Variants in KAZN observed in about 807,000 individuals in gnomAD.
KAZN encodes kazrin.
A neutral mutation model predicts 87.4 loss-of-function variants in KAZN; 40 were observed. The ratio of observed to expected loss-of-function variants is 0.46; its 90% CI spans 0.36 to 0.60. The LOEUF (loss-of-function observed/expected upper bound fraction) is 0.60, where lower values mean the gene tolerates loss of function less well. Among genes scored for constraint, KAZN ranks in the 20% least tolerant of loss-of-function variants. The pLI is 0.00. For synonymous variants in KAZN, 466 were observed against 458.3 expected (o/e 1.02, Z -0.22); for missense variants, 898 against 1,073.9 (o/e 0.84, Z 2.29).
At chr1:14,480,740 T>C (rs982936085) in intron 2 of KAZN, among the ~76,000 whole-genome samples, 2 of 145,594 alleles carry the variant, frequency 1.4e-5, no homozygotes, top group African/African-American at 5.0e-5. Flanking sequence ...TTACATATAC[T>C]ATATATGTAT....
chr1:14,676,743 A>G (rs538916423), intron 1 of KAZN, among the ~76,000 whole-genome samples: 17 of 152,204 alleles, frequency 1.1e-4, no homozygotes, highest in Admixed American at 9.2e-4. Context: ...AATGTCCAGA[A>G]CAGGCAAATC....
At chr1:14,500,392 T>C (rs1055045041) in intron 2 of KAZN, among the ~76,000 whole-genome samples, 1 of 152,168 alleles carries the variant, frequency 6.6e-6, no homozygotes, top group African/African-American at 2.4e-5. Context: ...TATTTCTCTT[T>C]TCAGCCTAGA....
rs576001513 is a variant in KAZN at position 14,408,607 on chromosome 1, C to T, written c.250-190376C>T. ...CTGTGTCCTCATACAACAAAGAGAA[C>T]GAGTCCTCTGGCTAACCTTCTTATA... On this transcript the variant is annotated intron_variant, in intron 2 of 16. Transcript: ENST00000636203. Among the ~76,000 whole-genome samples, 424 of 152,298 alleles carry T rather than the reference C, an allele frequency of 2.8e-3. 1 individual carries two copies. Among genetic ancestry groups the T allele is most frequent in the African/African-American group, 9.8e-3 (407 of 41,570 alleles).
intron 2 of KAZN, among the ~76,000 whole-genome samples, chr1:14,250,146 A>G (rs1330801500): frequency 1.3e-5 from 2 of 152,140 alleles, no homozygotes; most frequent in Non-Finnish European, 2.9e-5. Context: ...TAGTTCCTTT[A>G]TACACATGTT....
At chr1:14,503,986 T>C (rs1375975905) in intron 2 of KAZN, among the ~76,000 whole-genome samples, 1 of 152,032 alleles carries the variant, frequency 6.6e-6, no homozygotes, top group Admixed American at 6.5e-5. Flanking sequence ...ACAAAACATT[T>C]AAGGAAGCCC....
At position 15,021,031 on chromosome 1, in the gene KAZN, G is replaced by A. The variant is rs933437578; in HGVS notation, c.419-13718G>A. On this transcript the variant is annotated intron_variant, in intron 2 of 14. Transcript: ENST00000376030. This position sits in a 1 kb window ranked among gnomAD's most constrained non-coding sequence, Gnocchi z 4.2. Reference sequence around the variant, plus strand: ...TGCTGTGTCTCTGTTACGCAGCAGGGGTGAGACCAGTCCATATCACTAGGC... The same window carrying A: ...TGCTGTGTCTCTGTTACGCAGCAGGAGTGAGACCAGTCCATATCACTAGGC... 9.9e-5 allele frequency among the ~76,000 whole-genome samples: 15 copies of A among 152,092 alleles called. No individual in the cohort carries two copies. The highest frequency in any genetic ancestry group is 3.4e-4 in the African/African-American group (14 of 41,402).
At chr1:14,262,372 C>T (rs541920699) in intron 2 of KAZN, among the ~76,000 whole-genome samples, 1 of 152,146 alleles carries the variant, frequency 6.6e-6, no homozygotes, top group Non-Finnish European at 1.5e-5. Context: ...CTGTAGATAA[C>T]CTATGTGGAA....
intron 1 of KAZN, among the ~76,000 whole-genome samples, chr1:14,131,375 T>G (rs1644988906): frequency 1.3e-5 from 2 of 152,202 alleles, no homozygotes; most frequent in South Asian, 4.2e-4. Context: ...AGAGAGGTGT[T>G]GAATCAATTT....
At chr1:14,855,980 C>G (rs1180018814) in intron 1 of KAZN, among the ~76,000 whole-genome samples, 2 of 152,138 alleles carry the variant, frequency 1.3e-5, no homozygotes, top group Non-Finnish European at 2.9e-5. Context: ...CAATAAGCCA[C>G]CAAAATGATG....
chr1:14,255,537 A>G (rs1413867911), intron 2 of KAZN, among the ~76,000 whole-genome samples: 1 of 152,230 alleles, frequency 6.6e-6, no homozygotes, highest in East Asian at 1.9e-4. Flanking sequence ...GGGTTTATGC[A>G]TATTGAATGG....
At chr1:14,724,878 C>T (rs531535259) in intron 1 of KAZN, among the ~76,000 whole-genome samples, 1 of 152,350 alleles carries the variant, frequency 6.6e-6, no homozygotes, top group East Asian at 1.9e-4. Context: ...ATTTTCACTT[C>T]CCCTGTCAAG....
At chr1:14,397,627 C>T (rs574319033) in intron 2 of KAZN, among the ~76,000 whole-genome samples, 27 of 151,890 alleles carry the variant, frequency 1.8e-4, no homozygotes, top group Non-Finnish European at 2.8e-4. Context: ...GAGGCCGAGG[C>T]GGGCGGATCA....
chr1:13,934,484 C>T (rs927715324), intron 1 of KAZN, among the ~76,000 whole-genome samples: 18 of 152,140 alleles, frequency 1.2e-4, no homozygotes, highest in African/African-American at 4.1e-4. Flanking sequence ...CAAATGAACA[C>T]GGGCAAAAGA....
At chr1:15,068,842 C>T (rs1023587463) in intron 8 of KAZN, among the ~76,000 whole-genome samples, 1 of 152,076 alleles carries the variant, frequency 6.6e-6, no homozygotes, top group African/African-American at 2.4e-5. Flanking sequence ...GGAGGGCTGG[C>T]TTTTAAGTCC....
rs2148594648 is a variant in KAZN at position 14,599,213 on chromosome 1, T to C, written c.216T>C (p.Leu72=). The C allele has an allele frequency of 1.4e-6, 2 of 1,398,630 alleles. No individual in the cohort carries two copies. The highest frequency in any genetic ancestry group is 1.8e-5 in the South Asian group (1 of 55,084). 86.6% of individuals were successfully genotyped at this position (1,398,630 alleles called of 1,614,324 possible). A position where few individuals can be genotyped will look rare whatever the true frequency, so the allele number is the denominator to read the frequency against. ...SAATNMENPQ[L]GAQVLLREEV... is the part of the protein sequence containing the mutation. ...CGACGAACATGGAGAACCCCCAGCT[T>C]GGAGCGCAAGGTAGGATCGCCCCGG... The change falls in exon 1 of 15, where the codon CTT becomes CTC. Residue 72 remains leucine (L), a synonymous_variant. Transcript: ENST00000376030. This position sits in a 1 kb window ranked among gnomAD's most constrained non-coding sequence, Gnocchi z 4.4.
chr1:15,094,881 C>T lies in KAZN; in HGVS notation c.1495C>T (p.Arg499Cys). 2 of 1,550,576 alleles carry T rather than the reference C, an allele frequency of 1.3e-6. No homozygotes were observed. The highest frequency in any genetic ancestry group is 1.7e-6 in the Non-Finnish European group (2 of 1,146,786). ...TGGGGTGTGCAGCTCCCTGCACCGG[C>T]GCAAGCTGCGCCTGGCCATCGAGGA... ...GLGVCSSLHRRKLRLAIEDYR... is the reference protein window; with the variant it reads ...GLGVCSSLHRCKLRLAIEDYR... Residue 499 changes from arginine (R) to cysteine (C), a missense_variant, in exon 10 of 15, where the codon CGC (arginine) becomes TGC (cysteine). By Grantham distance (180) the Arg-to-Cys change is radical. This residue lies in a region of KAZN where 521 missense variants were observed against 689.4 expected (regional missense o/e 0.76). Transcript: ENST00000376030. The surrounding 1 kb of genome is among the most constrained non-coding windows in gnomAD (Gnocchi z 4.5).
intron 1 of KAZN, among the ~76,000 whole-genome samples, chr1:13,984,357 C>A (rs1036808263): frequency 6.6e-6 from 1 of 152,178 alleles, no homozygotes; most frequent in Non-Finnish European, 1.5e-5. Context: ...AGGAAACGGG[C>A]AATGGGCTGT....
At chr1:14,868,628 G>A (rs1325866324) in intron 1 of KAZN, among the ~76,000 whole-genome samples, 1 of 151,748 alleles carries the variant, frequency 6.6e-6, no homozygotes, top group Non-Finnish European at 1.5e-5. Flanking sequence ...GTTTGGGGAG[G>A]GGAATCTAGT....
At chr1:14,023,195 C>T (rs115703292) in intron 1 of KAZN, among the ~76,000 whole-genome samples, 3,218 of 152,002 alleles carry the variant, frequency 0.021, 110 homozygotes, top group African/African-American at 0.073. Context: ...TGTTGGCATG[C>T]GCCTGTAGAC....
Sources: gnomAD v4.1 joint callset for allele counts (sites outside exome capture counted in the v4.1 genomes callset) on GRCh38, gnomAD v4.1.1 for gene constraint, gnomAD v4.1.1 regional missense constraint, Gnocchi (gnomAD v3.1) non-coding constraint, MANE v1.5 for transcripts, NCBI Gene and HGNC (gene_info 2026-07-23, HGNC 2026-07-21) for gene names.